Variants in MGAT5 observed in about 807,000 individuals in gnomAD.
MGAT5 encodes the protein alpha-1,6-mannosylglycoprotein 6-beta-N-acetylglucosaminyltransferase A.
Under a neutral mutation model 94.3 loss-of-function variants are expected in MGAT5, and 30 were observed. That is an observed-to-expected ratio of 0.32 (90% CI 0.24 to 0.43). The LOEUF (loss-of-function observed/expected upper bound fraction) is 0.43, where lower values mean the gene tolerates loss of function less well. MGAT5 is among the 20% of genes least tolerant of loss of function. The probability of loss-of-function intolerance (pLI) is 1.00; values close to 1 mark genes in which losing one functional copy is unlikely to be tolerated. For missense variants in MGAT5, 691 were observed against 905.5 expected (o/e 0.76, Z 3.04); for synonymous variants, 310 against 322.9 (o/e 0.96, Z 0.43).
intron 1 of MGAT5, among the ~76,000 whole-genome samples, chr2:134,160,696 G>A (rs949217842): frequency 3.3e-5 from 5 of 152,238 alleles, no homozygotes; most frequent in African/African-American, 1.2e-4. Context: ...AGCTACAGGT[G>A]TAGGTGCTGT....
intron 10 of MGAT5, among the ~76,000 whole-genome samples, chr2:134,372,673 T>C (rs1464327874): frequency 6.6e-6 from 1 of 152,142 alleles, no homozygotes; most frequent in African/African-American, 2.4e-5. Context: ...CTTAGGCCTT[T>C]GTCGAAGGTG....
chr2:134,425,443 CTTTT>C (rs1460015796), intron 13 of MGAT5, among the ~76,000 whole-genome samples: 2 of 150,284 alleles, frequency 1.3e-5, no homozygotes, highest in Non-Finnish European at 3.0e-5. Flanking sequence ...TTCTTTCTTT[CTTTT>C]TAAGTGTTGA....
intron 10 of MGAT5, among the ~76,000 whole-genome samples, chr2:134,384,416 G>A (rs902279151): frequency 9.2e-5 from 14 of 152,184 alleles, no homozygotes; most frequent in African/African-American, 3.1e-4. Context: ...CAGTTTTTCA[G>A]GGTTCTTTCT....
rs1008370443 is a variant in MGAT5, at chr2:134,317,600, A to G, written c.478A>G (p.Ile160Val). 3 of 1,559,496 alleles carry G rather than the reference A, an allele frequency of 1.9e-6. No homozygotes were observed. Among genetic ancestry groups the G allele is most frequent in the Non-Finnish European group, 1.7e-6 (2 of 1,155,274 alleles). Residue 160 changes from isoleucine to valine, a missense_variant, in exon 3 of 16, where the codon ATC becomes GTC. Physicochemically the swap from Ile to Val is conservative, Grantham distance 29. Coordinates refer to ENST00000281923, the MANE Select transcript of MGAT5 (RefSeq NM_002410.5). ...CGGCTACCCTCACTGTGAGGGAAAG[A>G]TCAAGGTAAGGCAGAGGCAAGCATC... The part of the protein sequence containing the change: ...MDGYPHCEGK[I>V]KWMKDMWRSD...
intron 2 of MGAT5, among the ~76,000 whole-genome samples, chr2:134,307,509 A>G (rs1265531004): frequency 6.6e-6 from 1 of 152,060 alleles, no homozygotes; most frequent in African/African-American, 2.4e-5. Context: ...AAACTCCGCA[A>G]GTGTTTTCAG....
chr2:134,187,620 C>T (rs760103161), intron 1 of MGAT5, among the ~76,000 whole-genome samples: 9 of 152,214 alleles, frequency 5.9e-5, no homozygotes, highest in Non-Finnish European at 1.2e-4. Context: ...CTTTGTCTCT[C>T]CTTCTGGCAT....
intron 10 of MGAT5, among the ~76,000 whole-genome samples, chr2:134,400,531 C>T (rs1012567444): frequency 6.6e-6 from 1 of 152,132 alleles, no homozygotes; most frequent in African/African-American, 2.4e-5. Flanking sequence ...CTTCAAGAAA[C>T]CCCAGCCTTT....
At chr2:134,316,239 A>G (rs576782430) in intron 2 of MGAT5, among the ~76,000 whole-genome samples, 6 of 152,268 alleles carry the variant, frequency 3.9e-5, no homozygotes, top group African/African-American at 1.4e-4. Context: ...TCTTAGGGTA[A>G]AGATCAGGGT....
In MGAT5 at chr2:134,134,182, G is replaced by A. The variant is rs546752356; in HGVS notation, c.-143+13891G>A. ...GGCATGCAATTCTTATCAACCCTGT[G>A]GGGATGGTTTCACTCCTAAGCGTTT... On this transcript the variant is annotated intron_variant, in intron 1 of 16. Transcript: ENST00000409645. Among the ~76,000 whole-genome samples, 47 of 152,218 alleles carry A rather than the reference G, an allele frequency of 3.1e-4. No individual in the cohort carries two copies. The South Asian group carries it at 9.4e-3, about 30-fold the overall frequency.
At chr2:134,317,443 C>T (rs1323549393) in intron 2 of MGAT5, 86 bp from the exon 3 acceptor site, 13 of 984,122 alleles carry the variant, frequency 1.3e-5, no homozygotes, top group Admixed American at 9.1e-5. Flanking sequence ...TTTTTGGTTT[C>T]TCTCCCTACC....
chr2:134,394,164 GC>G (rs1356199497), intron 10 of MGAT5, among the ~76,000 whole-genome samples: 1 of 152,142 alleles, frequency 6.6e-6, no homozygotes, highest in Non-Finnish European at 1.5e-5. Context: ...CATTGGAGCT[GC>G]CAAATGTGAT....
At chr2:134,128,476 T>G (rs1177968111) in intron 1 of MGAT5, among the ~76,000 whole-genome samples, 4 of 152,232 alleles carry the variant, frequency 2.6e-5, no homozygotes, top group Non-Finnish European at 4.4e-5. Context: ...TAAAGTGTTT[T>G]TCATGATAAT....
chr2:134,174,479 G>A (rs1357451458), intron 1 of MGAT5, among the ~76,000 whole-genome samples: 1 of 152,270 alleles, frequency 6.6e-6, no homozygotes, highest in African/African-American at 2.4e-5. Flanking sequence ...TGAGCTGAAT[G>A]AGTATAAAGC....
chr2:134,246,956 G>C (rs527498804), intron 1 of MGAT5, among the ~76,000 whole-genome samples: 121 of 152,352 alleles, frequency 7.9e-4, no homozygotes, highest in African/African-American at 2.4e-3. Context: ...AGACCAGGGA[G>C]ATGTGGTTCT....
chr2:134,421,442 A>C (rs1684284327), intron 12 of MGAT5, among the ~76,000 whole-genome samples: 1 of 152,034 alleles, frequency 6.6e-6, no homozygotes, highest in South Asian at 2.1e-4. Context: ...AAACTTAGCC[A>C]GGCATGGTGG....
chr2:134,125,791 G>A (rs565050892), intron 1 of MGAT5, among the ~76,000 whole-genome samples: 1 of 152,278 alleles, frequency 6.6e-6, no homozygotes, highest in African/African-American at 2.4e-5. Flanking sequence ...TCCCCAGCTG[G>A]GAGAATCTAA....
chr2:134,242,125 G>T (rs556785722), intron 1 of MGAT5, among the ~76,000 whole-genome samples: 1 of 152,294 alleles, frequency 6.6e-6, no homozygotes, highest in Admixed American at 6.5e-5. Flanking sequence ...GAGCACTTTG[G>T]ATTATAAAAC....
intron 1 of MGAT5, among the ~76,000 whole-genome samples, chr2:134,130,259 CCCACACCGCCCCACACCCT>C (rs1390227901): frequency 7.3e-5 from 11 of 150,810 alleles, no homozygotes; most frequent in East Asian, 5.9e-4. Flanking sequence ...CCCACACCGC[CCCACACCGCCCCACACCCT>C]GGCGGTGGGC....
At chr2:134,280,232 G>A (rs1310461577) in intron 2 of MGAT5, among the ~76,000 whole-genome samples, 1 of 152,192 alleles carries the variant, frequency 6.6e-6, no homozygotes, top group East Asian at 1.9e-4. Context: ...ATGACAGAAA[G>A]AGGGATTCAA....
Sources: allele counts gnomAD v4.1 joint callset (sites outside exome capture counted in the v4.1 genomes callset), GRCh38; gene constraint gnomAD v4.1.1; transcripts MANE v1.5; gene names NCBI Gene and HGNC (gene_info 2026-07-23, HGNC 2026-07-21).